Variants in DCAF1 observed in about 807,000 individuals in gnomAD.
The protein encoded by DCAF1 is DDB1- and CUL4-associated factor 1.
In DCAF1, 15 loss-of-function variants were observed where a neutral mutation model predicts 128.0. That is an observed-to-expected ratio of 0.12 (90% CI 0.08 to 0.18). The LOEUF (loss-of-function observed/expected upper bound fraction) is 0.18. DCAF1 is among the 10% of genes least tolerant of loss of function. The pLI, the probability that DCAF1 is intolerant of heterozygous loss-of-function variation, is 1.00. For missense variants in DCAF1, 988 were observed against 1,649.5 expected (o/e 0.60, Z 6.95); for synonymous variants, 610 against 603.0 (o/e 1.01, Z -0.17).
chr3:51,440,939 C>A, intron 9 of DCAF1, 31 bp downstream of exon 9: 1 of 1,553,834 alleles, frequency 6.4e-7, no homozygotes, highest in Non-Finnish European at 8.7e-7. Flanking sequence ...TTAAAAAATC[C>A]CCGGTGACCC....
chr3:51,491,777 G>A (rs185716066), intron 2 of DCAF1, among the ~76,000 whole-genome samples: 12 of 152,146 alleles, frequency 7.9e-5, no homozygotes, highest in Non-Finnish European at 1.3e-4. Context: ...TCCAGGAGGC[G>A]GAGGTTGCAG....
rs782381362 is a variant in DCAF1 at position 51,421,003 on chromosome 3, G to C, written c.1973-6C>G. On this transcript the variant is annotated splice_polypyrimidine_tract_variant and splice_region_variant and intron_variant, in intron 14 of 24. Transcript: ENST00000684031. ...TCCCAAAATAATGCTGATACCTAATGGGAAAAAAAATTATGTATTATTCAC... is the reference window on the plus strand; with the variant it reads ...TCCCAAAATAATGCTGATACCTAATCGGAAAAAAAATTATGTATTATTCAC... The C allele has an allele frequency of 1.9e-5, 31 of 1,594,960 alleles. No homozygotes were observed. In the Admixed American group the frequency reaches 5.4e-4, roughly 28 times the overall value.
chr3:51,482,535 C>G (rs1324682078), intron 3 of DCAF1, among the ~76,000 whole-genome samples: 1 of 151,604 alleles, frequency 6.6e-6, no homozygotes, highest in Non-Finnish European at 1.5e-5. Flanking sequence ...GAGGCCAAGG[C>G]AGGTGAATCA....
At chr3:51,412,646 AG>A (rs1553628840) in intron 22 of DCAF1, among the ~76,000 whole-genome samples, 166 bp from the exon 23 acceptor site, 1 of 152,206 alleles carries the variant, frequency 6.6e-6, no homozygotes, top group East Asian at 1.9e-4. Context: ...GGACACATAA[AG>A]GGGAAGAAAA....
chr3:51,471,356 T>C (rs1704725172), intron 3 of DCAF1, among the ~76,000 whole-genome samples: 1 of 151,796 alleles, frequency 6.6e-6, no homozygotes, highest in Non-Finnish European at 1.5e-5. Context: ...GCTAACTTTC[T>C]GTACTTTTAG....
At chr3:51,416,650 T>C (rs1698905861) in intron 18 of DCAF1, 137 bp downstream of exon 18, 1 of 1,269,490 alleles carries the variant, frequency 7.9e-7, no homozygotes, top group Non-Finnish European at 1.1e-6. Flanking sequence ...ATTATCATAC[T>C]TTTAGATTCT....
At position 51,429,151 on chromosome 3, in the gene DCAF1, T is replaced by C. The variant is rs547247810; in HGVS notation, c.1677+110A>G. ...TCTGCCTTCATACAGGGAAGTATAC[T>C]CCAACAATGGACATAGCACAGAGTC... On this transcript the variant is annotated intron_variant, in intron 12 of 24. Coordinates refer to ENST00000684031, the MANE Select transcript of DCAF1 (RefSeq NM_001387579.1). 2.8e-4 allele frequency: 188 copies of C among 669,298 alleles called. No homozygotes were observed. In the African/African-American group the frequency reaches 3.2e-3, roughly 11 times the overall value. The allele number at this position is 669,298 out of a possible 1,614,324, so 41.5% of individuals were successfully genotyped here. A position where few individuals can be genotyped will look rare whatever the true frequency, so the allele number is the denominator to read the frequency against.
chr3:51,479,785 G>C (rs920878008), intron 3 of DCAF1, among the ~76,000 whole-genome samples: 3 of 152,086 alleles, frequency 2.0e-5, no homozygotes, highest in Non-Finnish European at 4.4e-5. Flanking sequence ...AACAGAGCGA[G>C]ACTCCGTCTC....
intron 24 of DCAF1, among the ~76,000 whole-genome samples, chr3:51,402,676 G>T (rs2089809663): frequency 7.2e-6 from 1 of 138,526 alleles, no homozygotes; most frequent in African/African-American, 2.7e-5. Context: ...CCAGGTTCAA[G>T]CGATTCTCCT....
intron 2 of DCAF1, among the ~76,000 whole-genome samples, chr3:51,484,391 T>C (rs1553654310): frequency 6.6e-6 from 1 of 151,838 alleles, no homozygotes; most frequent in Non-Finnish European, 1.5e-5. Flanking sequence ...GAGAATCACT[T>C]GAACCTGGGA....
chr3:51,463,453 C>G (rs1219685130), intron 5 of DCAF1, among the ~76,000 whole-genome samples: 1 of 152,124 alleles, frequency 6.6e-6, no homozygotes, highest in East Asian at 1.9e-4. Context: ...AGCTTTAAAG[C>G]CAAATCCCCC....
At chr3:51,451,885 GAAAT>G (rs1171273106) in intron 6 of DCAF1, among the ~76,000 whole-genome samples, 1 of 151,616 alleles carries the variant, frequency 6.6e-6, no homozygotes, top group South Asian at 2.1e-4. Flanking sequence ...TTTTAAAAAA[GAAAT>G]AAGTAAAAAA....
Position 51,433,247 on chromosome 3 carries a change from C to T in DCAF1, c.1146G>A (p.Leu382=). 2.5e-6 allele frequency: 1 copy of T among 398,492 alleles called. No individual in the cohort carries two copies. Among genetic ancestry groups the T allele is most frequent in the Non-Finnish European group, 4.4e-6 (1 of 226,040 alleles). 24.7% of individuals were successfully genotyped at this position (398,492 alleles called of 1,614,324 possible). ...ATTCTGTGGCAAATTTGTTATGGAG[C>T]AGGAGAGATGCTAGGTGCTAAAAAA... ...FEALKHLASL[L]LHNKFATEFV... The change falls in exon 10 of 25, where the codon CTG becomes CTA. Residue 382 remains leucine, a synonymous_variant. Transcript: ENST00000684031.
intron 13 of DCAF1, among the ~76,000 whole-genome samples, chr3:51,424,335 G>C (rs896059243): frequency 7.9e-5 from 12 of 151,784 alleles, no homozygotes; most frequent in Non-Finnish European, 1.5e-4. Flanking sequence ...AGGAGGCGGA[G>C]GTTGCCATAA....
chr3:51,456,039 G>A lies in DCAF1; in HGVS notation c.375+7075C>T, dbSNP rs375208374. Among the ~76,000 whole-genome samples the A allele has an allele frequency of 3.3e-5, 5 of 152,226 alleles. No individual in the cohort carries two copies. The South Asian group carries it at 8.3e-4, about 25-fold the overall frequency. ...CTGAGCTACCGGGTTCATCTCACTG[G>A]GGAGTGCCAGACAGTAGGTGCAGGA... On this transcript the variant is annotated intron_variant, in intron 6 of 24. Coordinates refer to ENST00000684031, the MANE Select transcript of DCAF1 (RefSeq NM_001387579.1).
At chr3:51,503,186 A>G (rs1708859938), upstream of DCAF1, among the ~76,000 whole-genome samples, 1 of 152,046 alleles carries the variant, frequency 6.6e-6, no homozygotes, top group Non-Finnish European at 1.5e-5. Context: ...AGGAAGCCCC[A>G]TCTGAAAGAG....
intron 6 of DCAF1, among the ~76,000 whole-genome samples, chr3:51,444,294 A>C (rs1312987284): frequency 1.3e-5 from 2 of 152,122 alleles, no homozygotes; most frequent in African/African-American, 4.8e-5. Context: ...GTAATATATT[A>C]ACGTTCTGAG....
chr3:51,417,086 T>C (rs1698946366), intron 17 of DCAF1, among the ~76,000 whole-genome samples: 1 of 152,066 alleles, frequency 6.6e-6, no homozygotes, highest in South Asian at 2.1e-4. Flanking sequence ...GGGAATTCCT[T>C]AGAGAAATGA....
chr3:51,420,042 C>A lies in DCAF1; in HGVS notation c.2928G>T (p.Arg976=). 1 of 1,614,016 alleles carries A rather than the reference C, an allele frequency of 6.2e-7. No individual in the cohort carries two copies. The highest frequency in any genetic ancestry group is 8.5e-7 in the Non-Finnish European group (1 of 1,179,892). ...TGTAGGCACCATGGTCCGACTTCTG[C>A]CGCAACACTCTGATTTTCCTGCCAT... is the stretch of plus-strand genomic sequence containing the variant. The part of the protein sequence containing the change: ...PCNGRKIRVL[R]QKSDHGAYSQ... The change falls in exon 15 of 25, where the codon CGG becomes CGT. Residue 976 remains arginine (R), a synonymous_variant. Transcript: ENST00000684031. This position sits in a 1 kb window ranked among gnomAD's most constrained non-coding sequence, Gnocchi z 6.5.
Sources: gnomAD v4.1 joint callset for allele counts (sites outside exome capture counted in the v4.1 genomes callset) on GRCh38, gnomAD v4.1.1 for gene constraint, Gnocchi (gnomAD v3.1) non-coding constraint, MANE v1.5 for transcripts, NCBI Gene and HGNC (gene_info 2026-07-23, HGNC 2026-07-21) for gene names.